Variants in FBXL7 observed in about 807,000 individuals in gnomAD.
FBXL7 encodes the protein F-box and leucine rich repeat protein 7.
A neutral mutation model predicts 38.3 loss-of-function variants in FBXL7; 12 were observed. The observed-to-expected ratio is 0.31, with a 90% CI of 0.20 to 0.51. The LOEUF (loss-of-function observed/expected upper bound fraction) is 0.51, where lower values mean the gene tolerates loss of function less well. Ranked by LOEUF, FBXL7 falls within the 20% of genes least tolerant of loss-of-function variation. The probability of loss-of-function intolerance (pLI) is 0.98; values close to 1 mark genes in which losing one functional copy is unlikely to be tolerated. For synonymous variants in FBXL7, 297 were observed against 300.9 expected (o/e 0.99, Z 0.13); for missense variants, 567 against 676.4 (o/e 0.84, Z 1.79).
At chr5:15,851,559 G>A (rs1342722714) in intron 2 of FBXL7, among the ~76,000 whole-genome samples, 4 of 152,240 alleles carry the variant, frequency 2.6e-5, no homozygotes, top group East Asian at 1.9e-4. Flanking sequence ...TGTTCTGCCC[G>A]TGAGTGGGGG....
intron 2 of FBXL7, among the ~76,000 whole-genome samples, chr5:15,635,044 A>AG (rs1355214788): frequency 1.3e-4 from 19 of 151,514 alleles, no homozygotes; most frequent in African/African-American, 4.4e-4. Flanking sequence ...TTTTTTTTGG[A>AG]GGGGGCATTA....
intron 2 of FBXL7, among the ~76,000 whole-genome samples, chr5:15,711,398 A>G (rs749323073): frequency 1.3e-5 from 2 of 152,224 alleles, no homozygotes; most frequent in African/African-American, 2.4e-5. Context: ...GTCTTGTTAT[A>G]TGGACATAAG....
chr5:15,668,503 A>C (rs1436710310), intron 2 of FBXL7, among the ~76,000 whole-genome samples: 1 of 151,920 alleles, frequency 6.6e-6, no homozygotes, highest in Non-Finnish European at 1.5e-5. Context: ...TAATAAGTGG[A>C]TGCTGTGCAT....
intron 2 of FBXL7, among the ~76,000 whole-genome samples, chr5:15,866,954 T>C (rs1739743445): frequency 6.6e-6 from 1 of 152,148 alleles, no homozygotes; most frequent in Non-Finnish European, 1.5e-5. Context: ...AACCAACTTT[T>C]GTCCCTGTCT....
chr5:15,789,383 A>G (rs1190282093), intron 2 of FBXL7, among the ~76,000 whole-genome samples: 5 of 152,172 alleles, frequency 3.3e-5, no homozygotes, highest in Non-Finnish European at 5.9e-5. Flanking sequence ...CAGATAGTTT[A>G]AGACTATTAC....
chr5:15,635,415 C>T (rs1741148474), intron 2 of FBXL7, among the ~76,000 whole-genome samples: 1 of 152,160 alleles, frequency 6.6e-6, no homozygotes, highest in Non-Finnish European at 1.5e-5. Context: ...TTCTTCAAGC[C>T]TGGGCTCTGA....
At chr5:15,586,944 G>A (rs1486713439) in intron 1 of FBXL7, among the ~76,000 whole-genome samples, 2 of 152,176 alleles carry the variant, frequency 1.3e-5, no homozygotes, top group African/African-American at 2.4e-5. Context: ...GGTATCTCAA[G>A]TTCTATCTGT....
At chr5:15,591,516 T>A (rs1157253887) in intron 1 of FBXL7, among the ~76,000 whole-genome samples, 1 of 151,884 alleles carries the variant, frequency 6.6e-6, no homozygotes, top group African/African-American at 2.4e-5. Context: ...ATAATATTCT[T>A]GTTAAAGGTT....
intron 2 of FBXL7, among the ~76,000 whole-genome samples, chr5:15,771,516 G>C (rs1171461319): frequency 6.6e-6 from 1 of 152,176 alleles, no homozygotes; most frequent in Non-Finnish European, 1.5e-5. Flanking sequence ...GTACCTTGGA[G>C]TTTATATTGA....
chr5:15,881,397 A>G (rs971595802), intron 2 of FBXL7, among the ~76,000 whole-genome samples: 13 of 152,156 alleles, frequency 8.5e-5, no homozygotes, highest in African/African-American at 3.1e-4. Flanking sequence ...TGGTATATTT[A>G]TACCACATTT....
intron 2 of FBXL7, among the ~76,000 whole-genome samples, chr5:15,877,839 A>G (rs1740274355): frequency 6.6e-6 from 1 of 152,202 alleles, no homozygotes; most frequent in Non-Finnish European, 1.5e-5. Context: ...AAAGAGAAAC[A>G]TAGCACTTAT....
At chr5:15,918,743 C>G (rs1741665651) in intron 2 of FBXL7, among the ~76,000 whole-genome samples, 2 of 152,220 alleles carry the variant, frequency 1.3e-5, no homozygotes, top group African/African-American at 4.8e-5. Context: ...CCTTATCAGA[C>G]TGGTCCATGT....
chr5:15,708,401 T>C (rs1743757079), intron 2 of FBXL7, among the ~76,000 whole-genome samples: 1 of 152,232 alleles, frequency 6.6e-6, no homozygotes, highest in South Asian at 2.1e-4. Flanking sequence ...TACCCTTACC[T>C]AATTTTCCCT....
At chr5:15,791,475 C>T (rs887875611) in intron 2 of FBXL7, among the ~76,000 whole-genome samples, 3 of 152,138 alleles carry the variant, frequency 2.0e-5, no homozygotes, top group African/African-American at 4.8e-5. Flanking sequence ...TTTCATGCTT[C>T]GGGTGCCACC....
intron 1 of FBXL7, among the ~76,000 whole-genome samples, chr5:15,576,378 C>T (rs1178068673): frequency 6.6e-6 from 1 of 152,110 alleles, no homozygotes; most frequent in Non-Finnish European, 1.5e-5. Context: ...GCCACTGTGC[C>T]TGGCTGAGAA....
At chr5:15,650,042 C>A (rs553571784) in intron 2 of FBXL7, among the ~76,000 whole-genome samples, 54 of 152,312 alleles carry the variant, frequency 3.5e-4, no homozygotes, top group African/African-American at 1.3e-3. Context: ...CACTAAAAGT[C>A]ACTTCAGTGC....
intron 2 of FBXL7, among the ~76,000 whole-genome samples, chr5:15,826,974 T>A (rs1180796226): frequency 6.7e-6 from 1 of 149,986 alleles, no homozygotes; most frequent in Non-Finnish European, 1.5e-5. Flanking sequence ...TCTAGCTACC[T>A]AATGATGATG....
At chr5:15,801,837 G>T (rs566445636) in intron 2 of FBXL7, among the ~76,000 whole-genome samples, 1 of 151,762 alleles carries the variant, frequency 6.6e-6, no homozygotes, top group South Asian at 2.1e-4. Context: ...TATTTCGGGG[G>T]GGGCGGGGTT....
rs774426899 is a variant in FBXL7 at position 15,936,714 on chromosome 5, G to A, written c.1004G>A (p.Arg335His). Residue 335 changes from arginine to histidine, a missense_variant, in exon 4 of 4, where the codon CGC (arginine) becomes CAC (histidine). Transcript: ENST00000504595. The surrounding 1 kb of genome is among the most constrained non-coding windows in gnomAD (Gnocchi z 6.0). ...AAGGAGCTGAGCGTCAGCGACTGCCGCTTCGTCAGCGACTTCGGCCTGCGG... is the reference window on the plus strand; with the variant it reads ...AAGGAGCTGAGCGTCAGCGACTGCCACTTCGTCAGCGACTTCGGCCTGCGG... ...SIKELSVSDC[R>H]FVSDFGLREI... The A allele has an allele frequency of 2.0e-5, 32 of 1,608,122 alleles. No individual in the cohort carries two copies. Among genetic ancestry groups the A allele is most frequent in the Admixed American group, 1.2e-4 (7 of 59,868 alleles).
Sources: allele counts gnomAD v4.1 joint callset (sites outside exome capture counted in the v4.1 genomes callset), GRCh38; gene constraint gnomAD v4.1.1; non-coding constraint Gnocchi (gnomAD v3.1); transcripts MANE v1.5; gene names NCBI Gene and HGNC (gene_info 2026-07-23, HGNC 2026-07-21).